Variants in KLHL13 observed in about 807,000 individuals in gnomAD.
KLHL13 encodes kelch-like protein 13.
KLHL13 carries 10 observed loss-of-function variants against 37.1 expected under a neutral mutation model. The ratio of observed to expected loss-of-function variants is 0.27; its 90% confidence interval spans 0.17 to 0.46. The LOEUF (loss-of-function observed/expected upper bound fraction) is 0.46, where lower values mean the gene tolerates loss of function less well. KLHL13 is among the 20% of genes least tolerant of loss of function. The pLI is 1.00. For missense variants in KLHL13, 360 were observed against 509.3 expected, an observed-to-expected ratio of 0.71 and a Z score of 2.82; for synonymous variants, 163 against 181.2, an observed-to-expected ratio of 0.90 and a Z score of 0.81.
intron 5 of KLHL13, among the ~76,000 whole-genome samples, chrX:117,904,866 T>C (rs1000912537): frequency 1.8e-5 from 2 of 111,660 alleles, no homozygotes; most frequent in African/African-American, 3.3e-5. Flanking sequence ...CTTCAGTAGT[T>C]TGGTGGCCTA....
chrX:118,110,267 G>A (rs1009754358), intron 1 of KLHL13, among the ~76,000 whole-genome samples: 3 of 110,340 alleles, frequency 2.7e-5, no homozygotes, highest in Middle Eastern at 4.2e-3. Flanking sequence ...GAATTGTAAC[G>A]CACACTCATG....
intron 1 of KLHL13, among the ~76,000 whole-genome samples, chrX:118,000,524 A>C (rs6603359): frequency 0.063 from 7,033 of 111,660 alleles, 534 homozygotes; most frequent in African/African-American, 0.21. Flanking sequence ...CTGTTTCCCA[A>C]GTTTTGGATT....
intron 1 of KLHL13, among the ~76,000 whole-genome samples, chrX:118,039,835 T>C (rs781698332): frequency 1.2e-4 from 13 of 111,218 alleles, no homozygotes; most frequent in Non-Finnish European, 1.9e-4. Flanking sequence ...CCAGTGGTGG[T>C]TGCCACAGAG....
At chrX:118,076,836 T>G (rs1375803331) in intron 1 of KLHL13, among the ~76,000 whole-genome samples, 1 of 109,510 alleles carries the variant, frequency 9.1e-6, no homozygotes, top group East Asian at 2.9e-4. Context: ...AAAATCTTTT[T>G]TCTCTTTCTT....
At chrX:118,020,761 G>A (rs1207974017) in intron 1 of KLHL13, among the ~76,000 whole-genome samples, 5 of 110,306 alleles carry the variant, frequency 4.5e-5, no homozygotes, top group African/African-American at 1.7e-4. Flanking sequence ...AACAATGATA[G>A]ACTGGATTAA....
At chrX:118,035,725 A>G (rs368192209) in intron 1 of KLHL13, among the ~76,000 whole-genome samples, 191 of 110,540 alleles carry the variant, frequency 1.7e-3, no homozygotes, top group African/African-American at 5.9e-3. Context: ...TCAACATAGT[A>G]TTGGAAGTTC....
chrX:117,932,767 T>A (rs977940115), intron 2 of KLHL13, among the ~76,000 whole-genome samples: 1 of 112,075 alleles, frequency 8.9e-6, no homozygotes, highest in Non-Finnish European at 1.9e-5. Flanking sequence ...AGTTCCATTA[T>A]TAGTTTTTTG....
intron 1 of KLHL13, among the ~76,000 whole-genome samples, chrX:118,003,409 G>A (rs1170305982): frequency 2.7e-5 from 3 of 111,151 alleles, no homozygotes; most frequent in African/African-American, 9.8e-5. Flanking sequence ...TATCACTGCT[G>A]TTTGTTTAGT....
At chrX:117,898,808 A>C in exon 7 of KLHL13, 1 of 877,159 alleles carries the variant, frequency 1.1e-6, no homozygotes, top group East Asian at 3.1e-5. Flanking sequence ...CAATTACCAG[A>C]GGGTAATCCT....
At chrX:118,103,137 C>T (rs6645448) in intron 1 of KLHL13, among the ~76,000 whole-genome samples, 1,963 of 111,795 alleles carry the variant, frequency 0.018, 45 homozygotes, top group African/African-American at 0.058. Context: ...AGCATGCTTT[C>T]TGTTTTTAAC....
chrX:118,029,611 T>C (rs113469802), intron 1 of KLHL13, among the ~76,000 whole-genome samples: 3,023 of 112,376 alleles, frequency 0.027, 98 homozygotes, highest in African/African-American at 0.092. Context: ...ATATCTCTTG[T>C]TAATAAAATC....
At chrX:118,007,712 A>T (rs2054002724) in intron 1 of KLHL13, among the ~76,000 whole-genome samples, 1 of 111,197 alleles carries the variant, frequency 9.0e-6, no homozygotes, top group African/African-American at 3.3e-5. Flanking sequence ...TGCATTTCAT[A>T]ACACACCATG....
chrX:118,022,448 T>A (rs2054227861), intron 1 of KLHL13, among the ~76,000 whole-genome samples: 1 of 111,469 alleles, frequency 9.0e-6, no homozygotes, highest in Non-Finnish European at 1.9e-5. Context: ...CATTTTATAT[T>A]CCCACCAACA....
exon 7 of KLHL13, chrX:117,898,777 T>C: frequency 2.7e-6 from 2 of 744,046 alleles, no homozygotes. Context: ...ATCAATGTTG[T>C]CTTTTTTCCA....
At chrX:118,095,778 C>T (rs2055197927) in intron 1 of KLHL13, among the ~76,000 whole-genome samples, 2 of 112,063 alleles carry the variant, frequency 1.8e-5, no homozygotes, top group African/African-American at 6.5e-5. Context: ...GAACAACCTG[C>T]TCCTGAATTA....
chrX:118,015,156 T>C (rs1297455176), intron 1 of KLHL13, among the ~76,000 whole-genome samples: 1 of 111,599 alleles, frequency 9.0e-6, no homozygotes, highest in South Asian at 3.7e-4. Flanking sequence ...AGAGTTTGAA[T>C]GACACCTATA....
chrX:117,901,295 A>T (rs1473793360), intron 6 of KLHL13, among the ~76,000 whole-genome samples: 1 of 111,238 alleles, frequency 9.0e-6, no homozygotes. Flanking sequence ...TGCTACAGAA[A>T]CTATGAATGG....
chrX:117,995,365 A>C (rs2053843158), intron 1 of KLHL13, among the ~76,000 whole-genome samples: 1 of 111,999 alleles, frequency 8.9e-6, no homozygotes, highest in Non-Finnish European at 1.9e-5. Flanking sequence ...CACATACCAC[A>C]CTACTGGGTA....
At chrX:118,070,412 G>C (rs1007779694) in intron 1 of KLHL13, among the ~76,000 whole-genome samples, 1 of 112,086 alleles carries the variant, frequency 8.9e-6, no homozygotes, top group African/African-American at 3.2e-5. Flanking sequence ...GCTATTTTTA[G>C]TTGTTTCATA....
Sources: allele counts gnomAD v4.1 joint callset (sites outside exome capture counted in the v4.1 genomes callset), GRCh38; gene constraint gnomAD v4.1.1; transcripts MANE v1.5; gene names NCBI Gene and HGNC (gene_info 2026-07-23, HGNC 2026-07-21).